Variants in GLIPR2 observed in about 807,000 individuals in gnomAD.
GLIPR2 encodes GLI pathogenesis related 2.
Under a neutral mutation model 20.4 loss-of-function variants are expected in GLIPR2, and 21 were observed. That is an observed-to-expected ratio of 1.03 (90% CI 0.73 to 1.48). The LOEUF is 1.48. GLIPR2 is among the 40% of genes most tolerant of loss of function. The probability of loss-of-function intolerance (pLI) is 0.00; values close to 1 mark genes in which losing one functional copy is unlikely to be tolerated. For synonymous variants in GLIPR2, 91 were observed against 80.5 expected, an observed-to-expected ratio of 1.13 and a Z score of -0.70; for missense variants, 205 against 200.1, an observed-to-expected ratio of 1.02 and a Z score of -0.15.
Position 36,136,755 on chromosome 9 carries a change from A to G in GLIPR2, c.-24A>G. On this transcript the variant is annotated 5_prime_UTR_variant, in exon 1 of 5. Coordinates refer to ENST00000377960, the MANE Select transcript of GLIPR2 (RefSeq NM_022343.4). The surrounding 1 kb of genome is among the most constrained non-coding windows in gnomAD (Gnocchi z 4.3). ...AGCGCAGTGCAGCGCAGCCGCGGGG[A>G]GCGAGGAGCGCGCGGAGCCGGCCAT... 7.8e-7 allele frequency: 1 copy of G among 1,283,112 alleles called. No homozygotes were observed. The highest frequency in any genetic ancestry group is 2.5e-5 in the South Asian group (1 of 39,898). The allele number at this position is 1,283,112 out of a possible 1,614,324, so 79.5% of individuals were successfully genotyped here. A position where few individuals can be genotyped will look rare whatever the true frequency, so the allele number is the denominator to read the frequency against.
intron 4 of GLIPR2, chr9:36,162,139 C>T (rs1327167569): frequency 1.9e-6 from 2 of 1,070,424 alleles, no homozygotes; most frequent in Non-Finnish European, 2.6e-6. Flanking sequence ...CATGCCACTG[C>T]ACTCCAGCCT....
chr9:36,148,771 A>G, intron 3 of GLIPR2, 121 bp downstream of exon 3: 1 of 671,698 alleles, frequency 1.5e-6, no homozygotes. Flanking sequence ...AAAGGAAAGA[A>G]AAACCAGAGC....
intron 1 of GLIPR2, among the ~76,000 whole-genome samples, chr9:36,138,409 G>C (rs1824927044): frequency 6.6e-6 from 1 of 152,082 alleles, no homozygotes; most frequent in Non-Finnish European, 1.5e-5. Flanking sequence ...ATTTTTAGTA[G>C]AGACAGGGTT....
In GLIPR2 at chr9:36,136,933, C is replaced by T; in HGVS notation, c.13+142C>T. 11 of 1,026,132 alleles carry T rather than the reference C, an allele frequency of 1.1e-5. No homozygotes were observed. The highest frequency in any genetic ancestry group is 1.4e-5 in the Non-Finnish European group (11 of 801,114). 63.6% of individuals were successfully genotyped at this position (1,026,132 alleles called of 1,614,324 possible). A position where few individuals can be genotyped will look rare whatever the true frequency, so the allele number is the denominator to read the frequency against. ...GGTGGAGGGCGCGCGGGCGGAGCGC[C>T]CCGGCGCGGTTTCCGGGGAACCCGG... On this transcript the variant is annotated intron_variant, in intron 1 of 4. Transcript: ENST00000377960. The surrounding 1 kb of genome is among the most constrained non-coding windows in gnomAD (Gnocchi z 4.3).
At chr9:36,154,101 T>C (rs78761497) in intron 4 of GLIPR2, among the ~76,000 whole-genome samples, 6,633 of 137,208 alleles carry the variant, frequency 0.048, 242 homozygotes, top group African/African-American at 0.083. Flanking sequence ...ATATATCTTT[T>C]CCCCCCCCCT....
chr9:36,152,531 CCT>C (rs1825631296), intron 4 of GLIPR2, among the ~76,000 whole-genome samples: 1 of 151,942 alleles, frequency 6.6e-6, no homozygotes, highest in African/African-American at 2.4e-5. Flanking sequence ...GGGTGGATCA[CCT>C]GAGGTCAGGA....
intron 3 of GLIPR2, among the ~76,000 whole-genome samples, chr9:36,150,283 T>C (rs1587142185): frequency 6.6e-6 from 1 of 152,184 alleles, no homozygotes; most frequent in African/African-American, 2.4e-5. Flanking sequence ...CTGACTGCTC[T>C]GAGGTCCCCG....
intron 1 of GLIPR2, among the ~76,000 whole-genome samples, chr9:36,145,334 T>G (rs1005215824): frequency 1.1e-4 from 17 of 152,354 alleles, no homozygotes; most frequent in African/African-American, 3.8e-4. Flanking sequence ...CCTGATCCCA[T>G]GTTAGGTTAA....
At chr9:36,137,006 C>A in intron 1 of GLIPR2, 1 of 478,924 alleles carries the variant, frequency 2.1e-6, no homozygotes, top group East Asian at 3.6e-5. Context: ...CCGGGGATCG[C>A]GCCAAGTTGG....
chr9:36,159,656 G>A (rs142446384), intron 4 of GLIPR2, among the ~76,000 whole-genome samples: 1 of 152,232 alleles, frequency 6.6e-6, no homozygotes, highest in Non-Finnish European at 1.5e-5. Flanking sequence ...TTGGGAGGGA[G>A]ATGGTCGGTA....
intron 1 of GLIPR2, among the ~76,000 whole-genome samples, chr9:36,142,398 T>C (rs192787403): frequency 1.3e-5 from 2 of 152,286 alleles, no homozygotes; most frequent in Admixed American, 1.3e-4. Flanking sequence ...ACTTCCCTTC[T>C]CAAGCCTCAG....
chr9:36,158,910 C>A (rs571060860), intron 4 of GLIPR2, among the ~76,000 whole-genome samples: 29 of 152,198 alleles, frequency 1.9e-4, no homozygotes, highest in African/African-American at 6.7e-4. Flanking sequence ...ACTAAAGATA[C>A]AAAAATTAGC....
chr9:36,152,443 G>A (rs1046394663), intron 4 of GLIPR2, among the ~76,000 whole-genome samples: 4 of 152,106 alleles, frequency 2.6e-5, no homozygotes, highest in African/African-American at 4.8e-5. Flanking sequence ...TGCGCACCAC[G>A]TGGTAATTAG....
At chr9:36,156,370 G>C (rs1047297177) in intron 4 of GLIPR2, among the ~76,000 whole-genome samples, 4 of 110,824 alleles carry the variant, frequency 3.6e-5, no homozygotes, top group African/African-American at 1.4e-4. Flanking sequence ...CTGGACAACA[G>C]AGTGAAGCCA....
chr9:36,146,882 C>T (rs889125160), intron 1 of GLIPR2, among the ~76,000 whole-genome samples: 2 of 152,192 alleles, frequency 1.3e-5, no homozygotes, highest in Admixed American at 1.3e-4. Flanking sequence ...GCGGGCGTTA[C>T]ATGCCGGTAG....
chr9:36,158,508 A>T (rs895417788), intron 4 of GLIPR2, among the ~76,000 whole-genome samples: 10 of 152,064 alleles, frequency 6.6e-5, no homozygotes, highest in African/African-American at 2.4e-4. Flanking sequence ...TCCTTTCCTC[A>T]TCAAATGTTT....
intron 4 of GLIPR2, among the ~76,000 whole-genome samples, chr9:36,157,271 G>A (rs1256461589): frequency 6.8e-6 from 1 of 148,078 alleles, no homozygotes; most frequent in African/African-American, 2.5e-5. Context: ...CTCTTGATCT[G>A]CCCACCTTGG....
chr9:36,156,107 G>T (rs1431114228), intron 4 of GLIPR2, among the ~76,000 whole-genome samples: 7 of 152,178 alleles, frequency 4.6e-5, no homozygotes, highest in Non-Finnish European at 1.0e-4. Context: ...CTACTTGGGA[G>T]GCTGAGGCAC....
chr9:36,155,397 C>A (rs1343319834), intron 4 of GLIPR2, among the ~76,000 whole-genome samples: 1 of 151,886 alleles, frequency 6.6e-6, no homozygotes, highest in Non-Finnish European at 1.5e-5. Flanking sequence ...GAGTTCGAGA[C>A]CACCCTGGCC....
Sources: allele counts gnomAD v4.1 joint callset (sites outside exome capture counted in the v4.1 genomes callset), GRCh38; gene constraint gnomAD v4.1.1; non-coding constraint Gnocchi (gnomAD v3.1); transcripts MANE v1.5; gene names NCBI Gene and HGNC (gene_info 2026-07-23, HGNC 2026-07-21).